The following PTPRN2 variants were observed in gnomAD, a reference collection of about 807,000 sequenced individuals.
The protein encoded by PTPRN2 is receptor-type tyrosine-protein phosphatase N2.
A neutral mutation model predicts 118.8 loss-of-function variants in PTPRN2; 74 were observed. The ratio of observed to expected loss-of-function variants is 0.62; its 90% CI spans 0.52 to 0.76. The LOEUF (loss-of-function observed/expected upper bound fraction) is 0.76. Among genes scored for constraint, PTPRN2 ranks in the 30% least tolerant of loss-of-function variants. PTPRN2 has a pLI of 0.00. For synonymous variants in PTPRN2, 641 were observed against 608.0 expected, an observed-to-expected ratio of 1.05 and a Z score of -0.80; for missense variants, 1,481 against 1,394.4, an observed-to-expected ratio of 1.06 and a Z score of -0.99.
intron 3 of PTPRN2, among the ~76,000 whole-genome samples, chr7:158,253,954 A>G (rs12671065): frequency 0.21 from 3,122 of 14,768 alleles, 192 homozygotes; most frequent in African/African-American, 0.29. Context: ...ACTGGACAGC[A>G]GCACAGAGCC....
rs143939066 is a variant in PTPRN2, at chr7:158,166,912, C to A, written c.910+19G>T. The A allele has an allele frequency of 0.022, 31,917 of 1,420,192 alleles. 468 individuals are homozygous for A. The highest frequency in any genetic ancestry group is 0.024 in the Non-Finnish European group (25,650 of 1,081,880). The allele number at this position is 1,420,192 out of a possible 1,614,324, so 88.0% of individuals were successfully genotyped here. On this transcript the variant is annotated intron_variant, in intron 6 of 22. Coordinates refer to ENST00000389418, the MANE Select transcript of PTPRN2 (RefSeq NM_002847.5). ...GAGGACAGTCAGCAAACAAGAAACA[C>A]CAAGCGGGGCTGGCTCACCATCGCC...
intron 21 of PTPRN2, among the ~76,000 whole-genome samples, chr7:157,567,534 TC>T (rs1799548887): frequency 6.6e-6 from 1 of 151,712 alleles, no homozygotes; most frequent in South Asian, 2.1e-4. Flanking sequence ...CATATTTATG[TC>T]TTTTTTTTTT....
chr7:157,910,114 A>T (rs56208561), intron 11 of PTPRN2, among the ~76,000 whole-genome samples: 1,552 of 152,336 alleles, frequency 0.01, 26 homozygotes, highest in African/African-American at 0.036. Context: ...AGGATTCCTG[A>T]TTTGCAGTCT....
chr7:158,441,436 A>ATGGCAGTGG (rs1273896454), intron 2 of PTPRN2, among the ~76,000 whole-genome samples: 1 of 135,060 alleles, frequency 7.4e-6, no homozygotes, highest in South Asian at 2.5e-4. Context: ...AGTGATGGTG[A>ATGGCAGTGG]TGGCAGTGGT....
intron 12 of PTPRN2, among the ~76,000 whole-genome samples, chr7:157,726,018 ACGCAGAGGAG>A (rs1799572120): frequency 6.9e-6 from 1 of 145,816 alleles, no homozygotes; most frequent in South Asian, 2.2e-4. Context: ...GGATATCCAC[ACGCAGAGGAG>A]TGTGGCCAGA....
chr7:158,541,628 CTT>C, intron 1 of PTPRN2: 8 of 1,349,044 alleles, frequency 5.9e-6, no homozygotes, highest in Non-Finnish European at 7.8e-6. Context: ...TTCACAAGCT[CTT>C]TGCAAAATCT....
intron 6 of PTPRN2, among the ~76,000 whole-genome samples, chr7:158,160,563 G>A (rs752819093): frequency 4.6e-5 from 7 of 152,168 alleles, no homozygotes; most frequent in African/African-American, 9.7e-5. Flanking sequence ...CTGCATTTGC[G>A]AAAGATACAA....
chr7:158,287,862 T>C (rs1799864245), intron 3 of PTPRN2, among the ~76,000 whole-genome samples: 2 of 152,140 alleles, frequency 1.3e-5, no homozygotes, highest in South Asian at 4.1e-4. Flanking sequence ...GACTGATGTT[T>C]CCTTATTGAT....
At chr7:158,114,020 C>G (rs1171773278) in intron 9 of PTPRN2, among the ~76,000 whole-genome samples, 1 of 152,194 alleles carries the variant, frequency 6.6e-6, no homozygotes, top group African/African-American at 2.4e-5. Flanking sequence ...CCTGTCCTGC[C>G]CAGCCAGTGT....
At chr7:158,145,004 T>A (rs1819772738) in intron 6 of PTPRN2, among the ~76,000 whole-genome samples, 1 of 149,558 alleles carries the variant, frequency 6.7e-6, no homozygotes, top group Non-Finnish European at 1.5e-5. Context: ...TCGGCAAGAC[T>A]TCCCTCACAT....
At chr7:158,244,546 TTTTTGTGTGTG>T in intron 3 of PTPRN2, among the ~76,000 whole-genome samples, 1 of 53,474 alleles carries the variant, frequency 1.9e-5, no homozygotes, top group Non-Finnish European at 3.6e-5. Flanking sequence ...ATGAGCATGT[TTTTTGTGTGTG>T]TTTTGTGTGA....
intron 5 of PTPRN2, among the ~76,000 whole-genome samples, chr7:158,186,077 G>A (rs555705604): frequency 1.3e-5 from 2 of 152,276 alleles, no homozygotes; most frequent in East Asian, 3.9e-4. Context: ...CAGGAAAGAG[G>A]CGGGGGTGCA....
chr7:157,706,898 A>T (rs572321603), intron 12 of PTPRN2, among the ~76,000 whole-genome samples: 1 of 151,512 alleles, frequency 6.6e-6, no homozygotes, highest in East Asian at 2.0e-4. Context: ...AATGTGGACC[A>T]CATCCCTCCA....
chr7:158,485,268 G>T (rs75545673), intron 2 of PTPRN2, among the ~76,000 whole-genome samples: 37,056 of 151,914 alleles, frequency 0.24, 4,588 homozygotes, highest in South Asian at 0.34. Context: ...CCTCCTGGAC[G>T]TCCGGGATTT....
chr7:157,805,389 G>A (rs1805570059), intron 12 of PTPRN2, among the ~76,000 whole-genome samples: 1 of 151,960 alleles, frequency 6.6e-6, no homozygotes, highest in Non-Finnish European at 1.5e-5. Flanking sequence ...GGAATGAAAG[G>A]TGGCTTGTTC....
At chr7:157,568,442 C>A (rs916185248) in intron 21 of PTPRN2, among the ~76,000 whole-genome samples, 1 of 152,220 alleles carries the variant, frequency 6.6e-6, no homozygotes, top group Non-Finnish European at 1.5e-5. Flanking sequence ...CAATTACTAA[C>A]GGATATTTTT....
intron 11 of PTPRN2, among the ~76,000 whole-genome samples, chr7:158,021,142 CTCT>C (rs1806845531): frequency 6.6e-6 from 1 of 152,218 alleles, no homozygotes; most frequent in Non-Finnish European, 1.5e-5. Context: ...ATCCTTCAGT[CTCT>C]TAATCATTTA....
intron 3 of PTPRN2, among the ~76,000 whole-genome samples, chr7:158,265,360 A>G (rs1797802343): frequency 6.6e-6 from 1 of 151,870 alleles, no homozygotes; most frequent in Non-Finnish European, 1.5e-5. Context: ...GCAGGCAGGT[A>G]CATACCTATG....
At chr7:157,872,871 T>G (rs1811195988) in intron 12 of PTPRN2, among the ~76,000 whole-genome samples, 1 of 152,188 alleles carries the variant, frequency 6.6e-6, no homozygotes, top group Non-Finnish European at 1.5e-5. Context: ...CTGCTGCCTC[T>G]CCACAGCTCC....
Sources: gnomAD v4.1 joint callset for allele counts (sites outside exome capture counted in the v4.1 genomes callset) on GRCh38, gnomAD v4.1.1 for gene constraint, MANE v1.5 for transcripts, NCBI Gene and HGNC (gene_info 2026-07-23, HGNC 2026-07-21) for gene names.